CPVL: variants seen among roughly 807,000 people sequenced by gnomAD.
The protein encoded by CPVL is probable serine carboxypeptidase CPVL.
Under a neutral mutation model 63.7 loss-of-function variants are expected in CPVL, and 51 were observed. That is an observed-to-expected ratio of 0.80 (90% confidence interval 0.64 to 1.01). The LOEUF is 1.01. CPVL is among the 50% of genes least tolerant of loss of function. CPVL has a pLI of 0.00. For synonymous variants in CPVL, 195 were observed against 206.0 expected (o/e 0.95, Z 0.46); for missense variants, 530 against 573.1 (o/e 0.92, Z 0.77).
At chr7:29,179,057 CTT>C (rs934571835) in intron 5 of CPVL, among the ~76,000 whole-genome samples, 25 of 152,196 alleles carry the variant, frequency 1.6e-4, no homozygotes, top group African/African-American at 5.3e-4. Context: ...CAGCATCTCT[CTT>C]GGTGTCAGAA....
At chr7:29,120,452 T>C (rs1018342526) in intron 2 of CPVL, among the ~76,000 whole-genome samples, 2 of 151,690 alleles carry the variant, frequency 1.3e-5, no homozygotes, top group African/African-American at 4.8e-5. Flanking sequence ...AAACAAAATA[T>C]ATATATATAT....
chr7:29,047,377 T>C (rs1353471397), intron 11 of CPVL, among the ~76,000 whole-genome samples: 1 of 152,120 alleles, frequency 6.6e-6, no homozygotes, highest in Non-Finnish European at 1.5e-5. Context: ...GACACACTTA[T>C]AGAAATGCAA....
At chr7:29,057,107 C>T (rs1286319438) in intron 11 of CPVL, among the ~76,000 whole-genome samples, 2 of 151,932 alleles carry the variant, frequency 1.3e-5, no homozygotes, top group Non-Finnish European at 2.9e-5. Flanking sequence ...CACACCACCA[C>T]ATCCAGCTAA....
chr7:29,032,006 T>C (rs879552818), intron 11 of CPVL, among the ~76,000 whole-genome samples: 7 of 152,178 alleles, frequency 4.6e-5, no homozygotes, highest in African/African-American at 1.7e-4. Context: ...TTTCTACTCT[T>C]ACGCTACTTT....
At chr7:29,139,219 A>C (rs900231798) in intron 1 of CPVL, among the ~76,000 whole-genome samples, 1 of 152,220 alleles carries the variant, frequency 6.6e-6, no homozygotes, top group Non-Finnish European at 1.5e-5. Flanking sequence ...TCCAGCCTTC[A>C]CTTTGCCAAC....
chr7:29,120,593 G>A (rs1046045510), intron 2 of CPVL, among the ~76,000 whole-genome samples: 7 of 152,028 alleles, frequency 4.6e-5, no homozygotes, highest in Non-Finnish European at 8.8e-5. Flanking sequence ...GGAGGCCGAG[G>A]TGGGTGAATC....
At chr7:29,190,653 C>T (rs938477467) in intron 1 of CPVL, among the ~76,000 whole-genome samples, 8 of 152,094 alleles carry the variant, frequency 5.3e-5, no homozygotes, top group South Asian at 2.1e-4. Flanking sequence ...TATGTTTCAC[C>T]GTTTCAGTCT....
At chr7:29,108,856 C>T (rs1217442111) in intron 3 of CPVL, among the ~76,000 whole-genome samples, 1 of 152,236 alleles carries the variant, frequency 6.6e-6, no homozygotes, top group Admixed American at 6.5e-5. Flanking sequence ...ACCGAAGAGA[C>T]TGTAGTCTTG....
chr7:29,128,772 G>A (rs564018177), intron 1 of CPVL, among the ~76,000 whole-genome samples: 13 of 151,866 alleles, frequency 8.6e-5, no homozygotes, highest in Admixed American at 2.6e-4. Flanking sequence ...CTGCCAGATG[G>A]GGTGCAAGTG....
intron 1 of CPVL, among the ~76,000 whole-genome samples, chr7:29,131,603 C>A (rs1198266084): frequency 6.6e-6 from 1 of 152,204 alleles, no homozygotes; most frequent in Non-Finnish European, 1.5e-5. Context: ...CTTCCGCCTC[C>A]TGAGGCATAA....
At chr7:29,169,880 G>GTGTATA (rs148266761) in intron 5 of CPVL, among the ~76,000 whole-genome samples, 83 of 150,042 alleles carry the variant, frequency 5.5e-4, no homozygotes, top group African/African-American at 1.8e-3. Flanking sequence ...GTGTGTGTGT[G>GTGTATA]TATATATATA....
chr7:29,173,877 GGGAGGT>G (rs1158371617), intron 5 of CPVL, among the ~76,000 whole-genome samples: 6 of 151,460 alleles, frequency 4.0e-5, no homozygotes, highest in Admixed American at 3.9e-4. Context: ...ACTTGGACCT[GGGAGGT>G]GGAGGCTGCA....
intron 12 of CPVL, chr7:29,012,146 A>T (rs1191979458): frequency 6.6e-6 from 1 of 151,834 alleles, no homozygotes; most frequent in African/African-American, 2.4e-5. Flanking sequence ...GAGCTTACTT[A>T]TAATAAGACT....
chr7:29,140,587 C>A (rs1272452752), intron 1 of CPVL, among the ~76,000 whole-genome samples: 2 of 152,166 alleles, frequency 1.3e-5, no homozygotes, highest in African/African-American at 4.8e-5. Flanking sequence ...TGGAGGAAGA[C>A]CCCATTCACA....
intron 8 of CPVL, 30 bp downstream of exon 8, chr7:29,072,271 C>A: frequency 2.5e-6 from 4 of 1,612,628 alleles, no homozygotes; most frequent in Non-Finnish European, 3.4e-6. Context: ...CCCTAAGAGA[C>A]AAAATAGAAA....
chr7:29,152,568 T>C (rs1393210368), intron 5 of CPVL, among the ~76,000 whole-genome samples: 3 of 152,208 alleles, frequency 2.0e-5, no homozygotes, highest in Non-Finnish European at 1.5e-5. Context: ...GACACCATGA[T>C]CACTAATGTG....
intron 9 of CPVL, among the ~76,000 whole-genome samples, chr7:29,067,005 T>C (rs1370644899): frequency 6.6e-6 from 1 of 152,032 alleles, no homozygotes; most frequent in Non-Finnish European, 1.5e-5. Flanking sequence ...TTGAGGGGGT[T>C]AGAGATAGTG....
chr7:29,126,379 T>C (rs974485320), intron 1 of CPVL: 7 of 152,244 alleles, frequency 4.6e-5, no homozygotes, highest in Non-Finnish European at 8.8e-5. Flanking sequence ...ATCTTCATTA[T>C]TGGTAAAATG....
At chr7:29,015,720 A>C (rs1202583253) in intron 12 of CPVL, among the ~76,000 whole-genome samples, 2 of 152,174 alleles carry the variant, frequency 1.3e-5, no homozygotes, top group Non-Finnish European at 2.9e-5. Flanking sequence ...TGTAGCCTAG[A>C]TCCGGCTACA....
Sources: allele counts gnomAD v4.1 joint callset (sites outside exome capture counted in the v4.1 genomes callset), GRCh38; gene constraint gnomAD v4.1.1; transcripts MANE v1.5; gene names NCBI Gene and HGNC (gene_info 2026-07-23, HGNC 2026-07-21).